The following GMIP variants were observed in gnomAD, a reference collection of about 807,000 sequenced individuals.
GMIP encodes GEM-interacting protein.
In GMIP, 54 loss-of-function variants were observed where a neutral mutation model predicts 105.3. The ratio of observed to expected loss-of-function variants is 0.51; its 90% CI spans 0.41 to 0.64. The LOEUF is 0.64. Among genes scored for constraint, GMIP ranks in the 30% least tolerant of loss-of-function variants. The pLI is 0.00. For synonymous variants in GMIP, 541 were observed against 560.8 expected (o/e 0.96, Z 0.50); for missense variants, 1,110 against 1,319.4 (o/e 0.84, Z 2.46).
rs2061835026 is a variant in GMIP at position 19,634,781 on chromosome 19, T to C, written c.1887+11A>G. On this transcript the variant is annotated intron_variant, in intron 17 of 20. Transcript: ENST00000203556. The surrounding 1 kb of genome is among the most constrained non-coding windows in gnomAD (Gnocchi z 6.1). ...CCTGCCCGCGTCCCCCTCAGTGTCCTGAGCACCAACCTCCTGAAGAAATCG... is the reference window on the plus strand; with the variant it reads ...CCTGCCCGCGTCCCCCTCAGTGTCCCGAGCACCAACCTCCTGAAGAAATCG... 1.9e-6 allele frequency: 3 copies of C among 1,613,680 alleles called. No homozygotes were observed. The highest frequency in any genetic ancestry group is 2.5e-6 in the Non-Finnish European group (3 of 1,179,948).
chr19:19,638,492 G>C lies in GMIP; in HGVS notation c.538-10C>G. 6.2e-7 allele frequency: 1 copy of C among 1,612,806 alleles called. No homozygotes were observed. Among genetic ancestry groups the C allele is most frequent in the South Asian group, 1.1e-5 (1 of 90,930 alleles). On this transcript the variant is annotated splice_polypyrimidine_tract_variant and intron_variant, in intron 7 of 20. Coordinates refer to ENST00000203556, the MANE Select transcript of GMIP (RefSeq NM_016573.4). The stretch of plus-strand genomic sequence containing the variant: ...GTTTGGCGGCGAGGGGCTGGCAAGG[G>C]TTGGGGATGGGGATGGAGACGCTGC...
rs749409412 is a variant in GMIP, at chr19:19,641,928, C to A, written c.180+48G>T. On this transcript the variant is annotated intron_variant, in intron 3 of 20. Coordinates refer to ENST00000203556, the MANE Select transcript of GMIP (RefSeq NM_016573.4). ...GGGCAGGGGCCTGGCCTTCCTAAGG[C>A]CCCCTCTGCTTGAGGTCTTCCTCCC... 5.0e-6 allele frequency: 8 copies of A among 1,599,724 alleles called. No individual in the cohort carries two copies. In the Admixed American group the frequency reaches 1.0e-4, roughly 20 times the overall value.
chr19:19,642,712 A>G, intron 1 of GMIP, 93 bp from the exon 2 acceptor site: 2 of 555,964 alleles, frequency 3.6e-6, no homozygotes, highest in Non-Finnish European at 6.7e-6. Flanking sequence ...TGGAAGAGAA[A>G]GGGAAGAGTG....
chr19:19,633,731 G>A, intron 19 of GMIP, 72 bp downstream of exon 19: 1 of 1,122,954 alleles, frequency 8.9e-7, no homozygotes, highest in Non-Finnish European at 1.2e-6. Context: ...AGGAAGGAAG[G>A]TGAAAGAGAA....
chr19:19,635,366 G>A lies in GMIP; in HGVS notation c.1560+49C>T, dbSNP rs1334534078. ...GGCTGTAGGAATCTCAGGTCAGGGA[G>A]ATGATCAAGGGTCAGCAAAGGTCAT... On this transcript the variant is annotated intron_variant, in intron 15 of 20. Transcript: ENST00000203556. This position sits in a 1 kb window ranked among gnomAD's most constrained non-coding sequence, Gnocchi z 4.7. 6.3e-7 allele frequency: 1 copy of A among 1,587,606 alleles called. No individual in the cohort carries two copies. Among genetic ancestry groups the A allele is most frequent in the South Asian group, 1.1e-5 (1 of 87,874 alleles).
Position 19,638,069 on chromosome 19 carries a change from G to C in GMIP, c.790-12C>G, listed in dbSNP as rs968778558. 1.3e-6 allele frequency: 2 copies of C among 1,553,894 alleles called. No individual in the cohort carries two copies. Among genetic ancestry groups the C allele is most frequent in the African/African-American group, 2.7e-5 (2 of 73,432 alleles). ...TCGGCCTCCTGCGCCTGGGGAAACGGGAGGCCAGGAGCGGGGTGGGGCGCG... is the reference window on the plus strand; with the variant it reads ...TCGGCCTCCTGCGCCTGGGGAAACGCGAGGCCAGGAGCGGGGTGGGGCGCG... On this transcript the variant is annotated splice_polypyrimidine_tract_variant and intron_variant, in intron 9 of 20. Coordinates refer to ENST00000203556, the MANE Select transcript of GMIP (RefSeq NM_016573.4).
At position 19,643,491 on chromosome 19, in the gene GMIP, C is replaced by A; in HGVS notation, c.19+20G>T. On this transcript the variant is annotated intron_variant, in intron 1 of 20. Coordinates refer to ENST00000203556, the MANE Select transcript of GMIP (RefSeq NM_016573.4). Reference sequence around the variant, plus strand: ...AGGGGATGGTCGGGGGAGGCCCCTCCCGGATCCCCGACCCCCTACCCGGCT... The same window carrying A: ...AGGGGATGGTCGGGGGAGGCCCCTCACGGATCCCCGACCCCCTACCCGGCT... The A allele has an allele frequency of 6.5e-7, 1 of 1,544,426 alleles. No individual in the cohort carries two copies. Among genetic ancestry groups the A allele is most frequent in the Non-Finnish European group, 8.8e-7 (1 of 1,142,410 alleles).
At position 19,635,979 on chromosome 19, in the gene GMIP, G is replaced by A. The variant is rs935054331; in HGVS notation, c.1328-258C>T. Among the ~76,000 whole-genome samples, 1 of 152,198 alleles carries A rather than the reference G, an allele frequency of 6.6e-6. No individual in the cohort carries two copies. Among genetic ancestry groups the A allele is most frequent in the African/African-American group, 2.4e-5 (1 of 41,534 alleles). Reference sequence around the variant, plus strand: ...AGCACTTTGGGAAGCTGAGGCAGGAGGATCACATGAGGCAAGGAGTTTGAC... The same window carrying A: ...AGCACTTTGGGAAGCTGAGGCAGGAAGATCACATGAGGCAAGGAGTTTGAC... On this transcript the variant is annotated intron_variant, in intron 13 of 20. Transcript: ENST00000203556. The surrounding 1 kb of genome is among the most constrained non-coding windows in gnomAD (Gnocchi z 4.7).
intron 6 of GMIP, 47 bp from the exon 7 acceptor site, chr19:19,640,239 G>C: frequency 1.3e-6 from 2 of 1,524,830 alleles, no homozygotes; most frequent in Non-Finnish European, 1.8e-6. Context: ...ATCTGTGGGG[G>C]ACAAAGGTGG....
At position 19,633,874 on chromosome 19, in the gene GMIP, C is replaced by G. The variant is rs11556209; in HGVS notation, c.2401G>C (p.Ala801Pro). Residue 801 changes from alanine (A) to proline (P), a missense_variant, in exon 19 of 21, where the codon GCC becomes CCC. By Grantham distance (27) the Ala-to-Pro change is conservative. Coordinates refer to ENST00000203556, the MANE Select transcript of GMIP (RefSeq NM_016573.4). ...TGGGGGTCTGGGCCGGGGTCTGAGG[C>G]TAGGACTGGGGGCTGGGAGTCTGGG... ...LDPDSQPPVLASDPGPDPQHH... is the reference protein window; with the variant it reads ...LDPDSQPPVLPSDPGPDPQHH... 6.7e-7 allele frequency: 1 copy of G among 1,498,054 alleles called. No individual in the cohort carries two copies. The highest frequency in any genetic ancestry group is 2.4e-5 in the Admixed American group (1 of 41,752). The allele number at this position is 1,498,054 out of a possible 1,614,324, so 92.8% of individuals were successfully genotyped here.
Position 19,638,205 on chromosome 19 carries a change from T to A in GMIP, c.743A>T (p.Lys248Met). The A allele has an allele frequency of 6.3e-7, 1 of 1,597,714 alleles. No individual in the cohort carries two copies. The highest frequency in any genetic ancestry group is 8.5e-7 in the Non-Finnish European group (1 of 1,178,264). ...CGAGCGCCGCCGCCGCTCCTGCTGCTTGCTAGGTCCCGGCGAGGCCTGGGG... is the reference window on the plus strand; with the variant it reads ...CGAGCGCCGCCGCCGCTCCTGCTGCATGCTAGGTCCCGGCGAGGCCTGGGG... The part of the protein sequence containing the change: ...SAPQASPGPS[K>M]QQERRRRSRE... Residue 248 changes from lysine to methionine, a missense_variant, in exon 9 of 21, where the codon AAG (lysine) becomes ATG (methionine). Physicochemically the swap from Lys to Met is moderately conservative, Grantham distance 95. This residue lies in a region of GMIP where 667 missense variants were observed against 773.2 expected (regional missense o/e 0.86). Transcript: ENST00000203556.
intron 4 of GMIP, 143 bp downstream of exon 4, chr19:19,641,667 G>A (rs905266851): frequency 1.4e-6 from 1 of 724,650 alleles, no homozygotes; most frequent in Non-Finnish European, 2.5e-6. Context: ...GTCTCCCTGA[G>A]GGCTGGGACT....
In GMIP at chr19:19,634,447, TTAG is replaced by T. The variant is rs1472478584; in HGVS notation, c.2084+57_2084+59del. On this transcript the variant is annotated intron_variant, in intron 18 of 20. Transcript: ENST00000203556. The surrounding 1 kb of genome is among the most constrained non-coding windows in gnomAD (Gnocchi z 6.1). ...CAGTGTCAGGGGTCAGCCAGGGAAG[TTAG>T]TAGTCGCATGTCCAGGGAAAAGGGT... 1.1e-5 allele frequency: 16 copies of T among 1,403,402 alleles called. No individual in the cohort carries two copies. In the African/African-American group the frequency reaches 1.9e-4, roughly 17 times the overall value. The allele number at this position is 1,403,402 out of a possible 1,614,324, so 86.9% of individuals were successfully genotyped here. A position where few individuals can be genotyped will look rare whatever the true frequency, so the allele number is the denominator to read the frequency against.
chr19:19,641,755 G>A, intron 4 of GMIP, 55 bp downstream of exon 4: 1 of 1,270,748 alleles, frequency 7.9e-7, no homozygotes, highest in Non-Finnish European at 1.1e-6. Flanking sequence ...GTGGTGATTT[G>A]TTGAAGGAAA....
At position 19,637,550 on chromosome 19, in the gene GMIP, A is replaced by T; in HGVS notation, c.939T>A (p.Ser313Arg). 1 of 1,525,846 alleles carries T rather than the reference A, an allele frequency of 6.6e-7. No individual in the cohort carries two copies. The highest frequency in any genetic ancestry group is 2.5e-5 in the East Asian group (1 of 40,406). The allele number at this position is 1,525,846 out of a possible 1,614,324, so 94.5% of individuals were successfully genotyped here. A position where few individuals can be genotyped will look rare whatever the true frequency, so the allele number is the denominator to read the frequency against. The change falls in exon 11 of 21, where the codon AGT (serine) becomes AGA (arginine). Residue 313 changes from serine to arginine, a missense_variant. By Grantham distance (110) the Ser-to-Arg change is moderately radical. Transcript: ENST00000203556. This position sits in a 1 kb window ranked among gnomAD's most constrained non-coding sequence, Gnocchi z 6.7. ...CCTGCGCCCCCCGCAGCCCGAAGAG[A>T]CTCAGCGTCACCTGCCGGGTGGAGA... ...GDEVLRRVTL[S>R]LFGLRGAQAE...
chr19:19,642,524 C>T lies in GMIP; in HGVS notation c.104+11G>A. 3.8e-6 allele frequency: 6 copies of T among 1,580,618 alleles called. No homozygotes were observed. Among genetic ancestry groups the T allele is most frequent in the Non-Finnish European group, 4.3e-6 (5 of 1,150,210 alleles). ...TGGCAGGATTTGGGGGTGATCCAGG[C>T]TCAGACTCACACGTTCCCCAGTGAG... On this transcript the variant is annotated intron_variant, in intron 2 of 20. Coordinates refer to ENST00000203556, the MANE Select transcript of GMIP (RefSeq NM_016573.4).
Position 19,630,255 on chromosome 19 carries a change from CG to C in GMIP, c.2620del (p.Arg874GlyfsTer4). Reference sequence around the variant, plus strand: ...GTGGGTTACAGGCCTCACACCGCCCCGGGGATACTTCACTGGCTGGCGGCTG... The same window carrying C: ...GTGGGTTACAGGCCTCACACCGCCCCGGGATACTTCACTGGCTGGCGGCTG... ...HFSRQPVKYP[R>X]GGVRPVTHQL... On this transcript the variant is annotated frameshift_variant, in exon 21 of 21. Coordinates refer to ENST00000203556, the MANE Select transcript of GMIP (RefSeq NM_016573.4). LOFTEE classifies it high-confidence loss of function. The surrounding 1 kb of genome is among the most constrained non-coding windows in gnomAD (Gnocchi z 4.8). The C allele has an allele frequency of 6.4e-7, 1 of 1,566,288 alleles. No individual in the cohort carries two copies. The highest frequency in any genetic ancestry group is 1.9e-5 in the Admixed American group (1 of 53,764).
chr19:19,635,282 C>T lies in GMIP; in HGVS notation c.1561-69G>A. Reference sequence around the variant, plus strand: ...TAGGGGAAGAGAAGGTTACAAGGATCCTCAAGGAATGGGGGCTCATGGGAG... The same window carrying T: ...TAGGGGAAGAGAAGGTTACAAGGATTCTCAAGGAATGGGGGCTCATGGGAG... On this transcript the variant is annotated intron_variant, in intron 15 of 20. Coordinates refer to ENST00000203556, the MANE Select transcript of GMIP (RefSeq NM_016573.4). This position sits in a 1 kb window ranked among gnomAD's most constrained non-coding sequence, Gnocchi z 4.7. 1.3e-6 allele frequency: 2 copies of T among 1,538,778 alleles called. No individual in the cohort carries two copies. Among genetic ancestry groups the T allele is most frequent in the Non-Finnish European group, 1.8e-6 (2 of 1,123,480 alleles).
Position 19,642,591 on chromosome 19 carries a change from C to G in GMIP, c.48G>C (p.Lys16Asn). 1 of 1,608,888 alleles carries G rather than the reference C, an allele frequency of 6.2e-7. No individual in the cohort carries two copies. The highest frequency in any genetic ancestry group is 8.5e-7 in the Non-Finnish European group (1 of 1,175,754). ...PGLPPGPEGR[K>N]RYSDIFRSLD... ...GGCTCCGGAAGATGTCACTGTACCT[C>G]TTCCTGCCCTCAGGACCTGGGGGGA... The change falls in exon 2 of 21, where the codon AAG (lysine) becomes AAC (asparagine). Residue 16 changes from lysine (K) to asparagine (N), a missense_variant. Physicochemically the swap from Lys to Asn is moderately conservative, Grantham distance 94. Transcript: ENST00000203556.
Sources: allele counts gnomAD v4.1 joint callset (sites outside exome capture counted in the v4.1 genomes callset), GRCh38; gene constraint gnomAD v4.1.1; regional missense constraint gnomAD v4.1.1; non-coding constraint Gnocchi (gnomAD v3.1); transcripts MANE v1.5; gene names NCBI Gene and HGNC (gene_info 2026-07-23, HGNC 2026-07-21).